Variants in STK3 observed in about 807,000 individuals in gnomAD.
STK3 encodes serine/threonine-protein kinase 3.
STK3 carries 41 observed loss-of-function variants against 58.0 expected under a neutral mutation model. The ratio of observed to expected loss-of-function variants is 0.71; its 90% CI spans 0.55 to 0.92. STK3 has a LOEUF of 0.92. Ranked by LOEUF, STK3 falls within the 40% of genes least tolerant of loss-of-function variation. STK3 has a pLI of 0.00. For synonymous variants in STK3, 170 were observed against 191.0 expected (o/e 0.89, Z 0.91); for missense variants, 479 against 602.7 (o/e 0.79, Z 2.15).
chr8:98,723,034 G>A (rs1827550718), intron 4 of STK3: 3 of 331,174 alleles, frequency 9.1e-6, no homozygotes, highest in South Asian at 8.2e-5. Flanking sequence ...TTTATCAACA[G>A]AATACTTCAT....
At chr8:98,589,971 C>T (rs139500931) in intron 7 of STK3, among the ~76,000 whole-genome samples, 6,414 of 152,176 alleles carry the variant, frequency 0.042, 223 homozygotes, top group Non-Finnish European at 0.056. Flanking sequence ...ACACGGTGCA[C>T]GCACCCACTG....
chr8:98,400,634 C>T (rs1317187063), downstream of STK3, among the ~76,000 whole-genome samples: 1 of 152,210 alleles, frequency 6.6e-6, no homozygotes, highest in Non-Finnish European at 1.5e-5. Flanking sequence ...ATTTTTCTTT[C>T]TGGCTTGTTC....
chr8:98,588,682 C>T (rs1412167647), intron 7 of STK3, among the ~76,000 whole-genome samples: 1 of 150,352 alleles, frequency 6.7e-6, no homozygotes, highest in African/African-American at 2.4e-5. Context: ...GGATAATATC[C>T]TGCAGAGTGT....
intron 4 of STK3, among the ~76,000 whole-genome samples, chr8:98,726,416 G>C (rs887983893): frequency 6.6e-6 from 1 of 152,186 alleles, no homozygotes; most frequent in African/African-American, 2.4e-5. Context: ...TATTTAATCA[G>C]AGATTACAAT....
At chr8:98,594,125 T>C (rs938999749) in intron 7 of STK3, among the ~76,000 whole-genome samples, 1 of 152,036 alleles carries the variant, frequency 6.6e-6, no homozygotes, top group African/African-American at 2.4e-5. Context: ...CTGGGTAACA[T>C]GGCGAATCCT....
At chr8:98,911,036 T>C (rs969937591) in intron 1 of STK3, among the ~76,000 whole-genome samples, 1 of 152,206 alleles carries the variant, frequency 6.6e-6, no homozygotes, top group Non-Finnish European at 1.5e-5. Context: ...TTTTGTGGAC[T>C]GCTGGAAGAA....
chr8:98,657,258 A>G (rs964930594), intron 6 of STK3, among the ~76,000 whole-genome samples: 2 of 152,076 alleles, frequency 1.3e-5, no homozygotes, highest in Non-Finnish European at 2.9e-5. Flanking sequence ...CACACATCAA[A>G]TCATTCAATC....
At chr8:98,932,917 C>A (rs1840052041) in intron 1 of STK3, among the ~76,000 whole-genome samples, 1 of 152,168 alleles carries the variant, frequency 6.6e-6, no homozygotes. Context: ...AGAGAAAGAG[C>A]CTTTTGCCTG....
At chr8:98,795,215 G>A (rs1833074826) in intron 1 of STK3, among the ~76,000 whole-genome samples, 1 of 145,616 alleles carries the variant, frequency 6.9e-6, no homozygotes, top group African/African-American at 2.5e-5. Context: ...TGCAAGGTTG[G>A]TTCAACATAT....
the STK3 span, among the ~76,000 whole-genome samples, chr8:98,351,991 C>G: frequency 1.3e-5 from 2 of 151,970 alleles, no homozygotes; most frequent in African/African-American, 4.8e-5. Context: ...AACCCCGTCT[C>G]TACTAAAAAT....
intron 3 of STK3, among the ~76,000 whole-genome samples, chr8:98,422,770 C>T (rs369669695): frequency 8.3e-4 from 127 of 152,282 alleles, no homozygotes; most frequent in African/African-American, 2.9e-3. Flanking sequence ...TACTGACCGC[C>T]GGGTGCAGAC....
chr8:98,650,780 C>T (rs1820840853), intron 6 of STK3, among the ~76,000 whole-genome samples: 2 of 152,204 alleles, frequency 1.3e-5, no homozygotes, highest in South Asian at 4.1e-4. Context: ...GGCAGCGAGG[C>T]TGGGGGAGGG....
intron 1 of STK3, chr8:98,438,449 CAGG>C (rs1469820333): frequency 6.6e-6 from 1 of 152,202 alleles, no homozygotes; most frequent in East Asian, 1.9e-4. Context: ...CAAACAATGC[CAGG>C]AGAAGAACCA....
intron 1 of STK3, among the ~76,000 whole-genome samples, chr8:98,786,998 G>A (rs1398293835): frequency 2.6e-5 from 4 of 151,388 alleles, no homozygotes; most frequent in Non-Finnish European, 4.4e-5. Flanking sequence ...GTGAAACCCC[G>A]TCTCTACTAA....
At chr8:98,821,449 T>TA (rs1291951193) in intron 1 of STK3, among the ~76,000 whole-genome samples, 2 of 151,486 alleles carry the variant, frequency 1.3e-5, no homozygotes, top group Non-Finnish European at 2.9e-5. Context: ...ATCCTTTTAA[T>TA]AACGACTTTG....
At chr8:98,373,752 A>C (rs942999092) in intron 2 of STK3, among the ~76,000 whole-genome samples, 1 of 152,154 alleles carries the variant, frequency 6.6e-6, no homozygotes, top group Non-Finnish European at 1.5e-5. Context: ...TTTTTTGTGA[A>C]TGTCTTATAT....
chr8:98,643,132 T>C (rs978510619), intron 6 of STK3, among the ~76,000 whole-genome samples: 7 of 151,966 alleles, frequency 4.6e-5, no homozygotes, highest in African/African-American at 1.7e-4. Context: ...GAGGCTGAGG[T>C]GGAAGGATCA....
intron 3 of STK3, among the ~76,000 whole-genome samples, chr8:98,856,219 T>C (rs1225410916): frequency 7.2e-6 from 1 of 139,336 alleles, no homozygotes; most frequent in Non-Finnish European, 1.5e-5. Flanking sequence ...CCACAGCTAC[T>C]CAGGAGGCTG....
chr8:98,485,186 A>G (rs1822153405), intron 10 of STK3, among the ~76,000 whole-genome samples: 1 of 152,118 alleles, frequency 6.6e-6, no homozygotes, highest in Non-Finnish European at 1.5e-5. Context: ...GGTTGCAGTG[A>G]GCCGAGATTG....
Sources: allele counts gnomAD v4.1 joint callset (sites outside exome capture counted in the v4.1 genomes callset), GRCh38; gene constraint gnomAD v4.1.1; transcripts MANE v1.5; gene names NCBI Gene and HGNC (gene_info 2026-07-23, HGNC 2026-07-21).